The following PARD3B variants were observed in gnomAD, a reference collection of about 807,000 sequenced individuals.
PARD3B encodes the protein par-3 family cell polarity regulator beta.
PARD3B carries 103 observed loss-of-function variants against 130.2 expected under a neutral mutation model. That is an observed-to-expected ratio of 0.79 (90% CI 0.67 to 0.93). The LOEUF (loss-of-function observed/expected upper bound fraction) is 0.93. Among genes scored for constraint, PARD3B ranks in the 40% least tolerant of loss-of-function variants. The probability of loss-of-function intolerance (pLI) is 0.00; values close to 1 mark genes in which losing one functional copy is unlikely to be tolerated. For missense variants in PARD3B, 1,609 were observed against 1,499.2 expected, an observed-to-expected ratio of 1.07 and a Z score of -1.21; for synonymous variants, 583 against 553.2, an observed-to-expected ratio of 1.05 and a Z score of -0.76.
intron 18 of PARD3B, chr2:205,302,018 G>T: frequency 1.6e-6 from 1 of 606,096 alleles, no homozygotes; most frequent in South Asian, 2.0e-5. Context: ...TTCAAGACCA[G>T]CCTGGGCAAG....
intron 20 of PARD3B, among the ~76,000 whole-genome samples, chr2:205,454,027 A>C (rs542211827): frequency 1.3e-5 from 2 of 152,176 alleles, no homozygotes; most frequent in African/African-American, 4.8e-5. Flanking sequence ...TGATTCATTC[A>C]TCCCATTAAA....
intron 3 of PARD3B, among the ~76,000 whole-genome samples, chr2:204,981,984 TACAC>T (rs891600888): frequency 6.6e-6 from 1 of 151,932 alleles, no homozygotes; most frequent in Admixed American, 6.6e-5. Context: ...TGTGTGTATG[TACAC>T]ACACACATAT....
chr2:204,643,742 C>T (rs1559202764), intron 1 of PARD3B, among the ~76,000 whole-genome samples: 1 of 152,100 alleles, frequency 6.6e-6, no homozygotes, highest in Non-Finnish European at 1.5e-5. Context: ...GGACACCCCT[C>T]TTATAAAGGA....
intron 1 of PARD3B, among the ~76,000 whole-genome samples, chr2:204,572,887 T>C (rs891315069): frequency 6.6e-6 from 1 of 152,252 alleles, no homozygotes; most frequent in African/African-American, 2.4e-5. Context: ...ACATCACTTA[T>C]AAAGCACCAT....
Position 204,824,487 on chromosome 2 carries a change from A to T in PARD3B, c.222+138205A>T, listed in dbSNP as rs188718884. Among the ~76,000 whole-genome samples, 891 of 152,268 alleles carry T rather than the reference A, an allele frequency of 5.9e-3. 10 individuals carry two copies. Among genetic ancestry groups the T allele is most frequent in the Middle Eastern group, 0.037 (11 of 294 alleles). On this transcript the variant is annotated intron_variant, in intron 2 of 22. Transcript: ENST00000406610. Reference sequence around the variant, plus strand: ...GTACTGCTTATTACCTTGTTGGCATAGTCCCTATATTAAGCCCTCCTTGAA... The same window carrying T: ...GTACTGCTTATTACCTTGTTGGCATTGTCCCTATATTAAGCCCTCCTTGAA...
At chr2:205,233,682 G>A (rs905939056) in intron 15 of PARD3B, among the ~76,000 whole-genome samples, 3 of 152,064 alleles carry the variant, frequency 2.0e-5, no homozygotes, top group East Asian at 3.9e-4. Context: ...AGTAAAAAAT[G>A]TGTTGCTACC....
chr2:205,557,544 T>G (rs567358604), intron 22 of PARD3B, among the ~76,000 whole-genome samples: 67 of 152,306 alleles, frequency 4.4e-4, no homozygotes, highest in African/African-American at 1.6e-3. Context: ...GCCATGATTA[T>G]AGCCCCAGTT....
At chr2:205,548,729 A>C (rs897050021) in intron 21 of PARD3B, among the ~76,000 whole-genome samples, 2 of 152,174 alleles carry the variant, frequency 1.3e-5, no homozygotes, top group African/African-American at 4.8e-5. Context: ...TTTTTGATAT[A>C]AGACCAAAGG....
At chr2:205,408,937 A>G (rs1200194000) in intron 19 of PARD3B, among the ~76,000 whole-genome samples, 2 of 152,156 alleles carry the variant, frequency 1.3e-5, no homozygotes, top group Non-Finnish European at 2.9e-5. Flanking sequence ...ATTAGATCCC[A>G]GTTTTTCAAA....
At chr2:205,089,141 T>A (rs886317929) in intron 4 of PARD3B, among the ~76,000 whole-genome samples, 2 of 121,410 alleles carry the variant, frequency 1.6e-5, no homozygotes, top group African/African-American at 5.4e-5. Flanking sequence ...CTTTTTTTTT[T>A]CTTTCTTTTT....
chr2:204,903,971 C>G (rs1419869802), intron 2 of PARD3B, among the ~76,000 whole-genome samples: 2 of 152,096 alleles, frequency 1.3e-5, no homozygotes, highest in Admixed American at 1.3e-4. Context: ...TGAGATATCC[C>G]GTTTGCTATT....
At chr2:204,962,440 T>G (rs550507996) in intron 2 of PARD3B, among the ~76,000 whole-genome samples, 1 of 152,278 alleles carries the variant, frequency 6.6e-6, no homozygotes, top group Non-Finnish European at 1.5e-5. Context: ...AATTCCTTCT[T>G]TCATGTTCAG....
chr2:205,377,527 C>T (rs967141192), intron 18 of PARD3B, among the ~76,000 whole-genome samples: 4 of 151,892 alleles, frequency 2.6e-5, no homozygotes, highest in African/African-American at 9.7e-5. Flanking sequence ...CCCAGATGAG[C>T]CTAAAAGGAT....
At chr2:205,025,315 T>G (rs559695261) in intron 3 of PARD3B, among the ~76,000 whole-genome samples, 1 of 152,190 alleles carries the variant, frequency 6.6e-6, no homozygotes, top group African/African-American at 2.4e-5. Context: ...TTGCTGTGGC[T>G]GTGTTTTTCG....
At chr2:204,863,521 A>G (rs1351889802) in intron 2 of PARD3B, among the ~76,000 whole-genome samples, 3 of 152,218 alleles carry the variant, frequency 2.0e-5, no homozygotes, top group Non-Finnish European at 4.4e-5. Flanking sequence ...CAGCTTTGGT[A>G]TTTTAATATA....
intron 1 of PARD3B, among the ~76,000 whole-genome samples, chr2:204,563,001 C>G (rs2031418282): frequency 6.6e-6 from 1 of 152,144 alleles, no homozygotes; most frequent in Non-Finnish European, 1.5e-5. Context: ...CAATGTACCA[C>G]AAACTGGGTG....
chr2:204,939,877 T>C (rs1688769356), intron 2 of PARD3B, among the ~76,000 whole-genome samples: 1 of 152,226 alleles, frequency 6.6e-6, no homozygotes, highest in African/African-American at 2.4e-5. Flanking sequence ...ATCAGAATGC[T>C]TTTCTCAAGC....
intron 2 of PARD3B, among the ~76,000 whole-genome samples, chr2:204,867,995 A>C (rs958212577): frequency 6.6e-6 from 1 of 152,148 alleles, no homozygotes; most frequent in Non-Finnish European, 1.5e-5. Context: ...TCAGAGATTG[A>C]TGGAGCAGGG....
At chr2:205,595,882 G>A (rs567155432) in intron 22 of PARD3B, among the ~76,000 whole-genome samples, 31 of 152,184 alleles carry the variant, frequency 2.0e-4, no homozygotes, top group African/African-American at 7.0e-4. Flanking sequence ...GGGGGGTTAT[G>A]GAGAGGCTCA....
Sources: gnomAD v4.1 joint callset for allele counts (sites outside exome capture counted in the v4.1 genomes callset) on GRCh38, gnomAD v4.1.1 for gene constraint, MANE v1.5 for transcripts, NCBI Gene and HGNC (gene_info 2026-07-23, HGNC 2026-07-21) for gene names.